XKR8: variants seen among roughly 807,000 people sequenced by gnomAD.
XKR8 encodes XK-related protein 8.
XKR8 carries 10 observed loss-of-function variants against 17.1 expected under a neutral mutation model. The ratio of observed to expected loss-of-function variants is 0.59; its 90% CI spans 0.36 to 0.99. The LOEUF is 0.99. Among genes scored for constraint, XKR8 ranks in the 50% least tolerant of loss-of-function variants. XKR8 has a pLI of 0.01. For synonymous variants in XKR8, 213 were observed against 251.9 expected, an observed-to-expected ratio of 0.85 and a Z score of 1.46; for missense variants, 411 against 515.6, an observed-to-expected ratio of 0.80 and a Z score of 1.96.
Position 27,960,453 on chromosome 1 carries a change from G to A in XKR8, c.293+91G>A. 1.6e-6 allele frequency: 2 copies of A among 1,271,842 alleles called. No homozygotes were observed. The highest frequency in any genetic ancestry group is 2.0e-6 in the Non-Finnish European group (2 of 994,226). 78.8% of individuals were successfully genotyped at this position (1,271,842 alleles called of 1,614,324 possible). Reference sequence around the variant, plus strand: ...GTACAGGTGACACGCCATATGCCGGGAAGGGGACTGGGAGAGGGAACCAAG... The same window carrying A: ...GTACAGGTGACACGCCATATGCCGGAAAGGGGACTGGGAGAGGGAACCAAG... On this transcript the variant is annotated intron_variant, in intron 1 of 2. Transcript: ENST00000373884. The surrounding 1 kb of genome is among the most constrained non-coding windows in gnomAD (Gnocchi z 5.9).
At position 27,965,270 on chromosome 1, in the gene XKR8, G is replaced by A. The variant is rs529179193; in HGVS notation, c.491-1233G>A. Among the ~76,000 whole-genome samples, 1 of 152,284 alleles carries A rather than the reference G, an allele frequency of 6.6e-6. No homozygotes were observed. The highest frequency in any genetic ancestry group is 1.5e-5 in the Non-Finnish European group (1 of 68,024). ...AGTGCAGACAGTCTGCACTGTGAGT[G>A]TGGCAGGGGGTAAGGGGGCGAGACA... On this transcript the variant is annotated intron_variant, in intron 2 of 2. Coordinates refer to ENST00000373884, the MANE Select transcript of XKR8 (RefSeq NM_018053.4). The surrounding 1 kb of genome is among the most constrained non-coding windows in gnomAD (Gnocchi z 4.1).
Position 27,959,987 on chromosome 1 carries a change from C to A in XKR8, c.-83C>A, listed in dbSNP as rs1638428093. On this transcript the variant is annotated 5_prime_UTR_variant, in exon 1 of 3. Coordinates refer to ENST00000373884, the MANE Select transcript of XKR8 (RefSeq NM_018053.4). Reference sequence around the variant, plus strand: ...CGGGCCGCCCCGAGGGCTGCGCCCACCTCCTTCCTGCCTCGGCAACCCCGG... The same window carrying A: ...CGGGCCGCCCCGAGGGCTGCGCCCAACTCCTTCCTGCCTCGGCAACCCCGG... 2.3e-6 allele frequency: 3 copies of A among 1,283,138 alleles called. No individual in the cohort carries two copies. The highest frequency in any genetic ancestry group is 1.9e-5 in the South Asian group (1 of 52,362). 79.5% of individuals were successfully genotyped at this position (1,283,138 alleles called of 1,614,324 possible). A position where few individuals can be genotyped will look rare whatever the true frequency, so the allele number is the denominator to read the frequency against.
At chr1:27,963,026 G>T (rs1204986429) in intron 1 of XKR8, among the ~76,000 whole-genome samples, 2 of 151,934 alleles carry the variant, frequency 1.3e-5, no homozygotes, top group Admixed American at 1.3e-4. Context: ...CCCCATTTTT[G>T]CTTTTTTGTT....
chr1:27,962,142 G>C (rs984693145), intron 1 of XKR8, among the ~76,000 whole-genome samples: 4 of 152,246 alleles, frequency 2.6e-5, no homozygotes, highest in African/African-American at 9.6e-5. Flanking sequence ...AGGACCCCAG[G>C]AGATCTTGGG....
intron 1 of XKR8, among the ~76,000 whole-genome samples, chr1:27,962,716 T>G (rs996825558): frequency 9.2e-5 from 14 of 151,962 alleles, no homozygotes; most frequent in Non-Finnish European, 1.5e-4. Context: ...GTCAGCCTCC[T>G]GAGTAGCTTG....
intron 2 of XKR8, chr1:27,964,191 G>T (rs1302479345): frequency 7.7e-6 from 1 of 129,934 alleles, no homozygotes; most frequent in Non-Finnish European, 1.6e-5. Context: ...GTAGAGACGA[G>T]GTCCCACTTT....
rs1251868343 is a variant in XKR8 at position 27,966,030 on chromosome 1, C to A, written c.491-473C>A. Among the ~76,000 whole-genome samples the A allele has an allele frequency of 6.6e-6, 1 of 152,128 alleles. No individual in the cohort carries two copies. The highest frequency in any genetic ancestry group is 1.5e-5 in the Non-Finnish European group (1 of 68,012). ...GGGACATCTCTCCTGGCCCTGAGGGCAGCTTTAGCCAGAGCCTGTTGCCAC... is the reference window on the plus strand; with the variant it reads ...GGGACATCTCTCCTGGCCCTGAGGGAAGCTTTAGCCAGAGCCTGTTGCCAC... On this transcript the variant is annotated intron_variant, in intron 2 of 2. Coordinates refer to ENST00000373884, the MANE Select transcript of XKR8 (RefSeq NM_018053.4). This position sits in a 1 kb window ranked among gnomAD's most constrained non-coding sequence, Gnocchi z 4.3.
chr1:27,961,909 CAT>C (rs1355185519), intron 1 of XKR8, among the ~76,000 whole-genome samples: 2 of 152,238 alleles, frequency 1.3e-5, no homozygotes, highest in Admixed American at 1.3e-4. Flanking sequence ...ACTTACTCTT[CAT>C]GCCAGTGGGT....
Position 27,967,153 on chromosome 1 carries a change from T to C in XKR8, c.1141T>C (p.Phe381Leu). The C allele has an allele frequency of 6.3e-7, 1 of 1,587,238 alleles. No individual in the cohort carries two copies. The highest frequency in any genetic ancestry group is 1.1e-5 in the South Asian group (1 of 87,564). The change falls in exon 3 of 3, where the codon TTT becomes CTT. Residue 381 changes from phenylalanine (F) to leucine (L), a missense_variant. Transcript: ENST00000373884. This position sits in a 1 kb window ranked among gnomAD's most constrained non-coding sequence, Gnocchi z 4.3. ...NRRMTHLAQK[F>L]FPKAKDEAAS... ...GCGCATGACCCATTTAGCACAGAAG[T>C]TTTTCCCCAAGGCTAAGGATGAGGC...
rs1638596406 is a variant in XKR8 at position 27,967,258 on chromosome 1, C to T, written c.*58C>T. 1 of 1,500,482 alleles carries T rather than the reference C, an allele frequency of 6.7e-7. No individual in the cohort carries two copies. The highest frequency in any genetic ancestry group is 1.4e-5 in the South Asian group (1 of 73,810). 92.9% of individuals were successfully genotyped at this position (1,500,482 alleles called of 1,614,324 possible). ...CAGCCAGCAGAGATGGAGAGTGACTCTGTTGGCAGAAGGCAGGCGAGGATA... is the reference window on the plus strand; with the variant it reads ...CAGCCAGCAGAGATGGAGAGTGACTTTGTTGGCAGAAGGCAGGCGAGGATA... On this transcript the variant is annotated 3_prime_UTR_variant, in exon 3 of 3. Transcript: ENST00000373884. The surrounding 1 kb of genome is among the most constrained non-coding windows in gnomAD (Gnocchi z 4.3).
intron 1 of XKR8, among the ~76,000 whole-genome samples, chr1:27,962,777 A>G (rs2148685793): frequency 6.6e-6 from 1 of 151,718 alleles, no homozygotes; most frequent in East Asian, 1.9e-4. Flanking sequence ...AATTCTTTGT[A>G]GAGATGGGGC....
At chr1:27,964,004 CAG>C (rs774201565) in intron 2 of XKR8, among the ~76,000 whole-genome samples, 2 of 152,088 alleles carry the variant, frequency 1.3e-5, no homozygotes, top group Non-Finnish European at 2.9e-5. Flanking sequence ...GTTCCTGGTA[CAG>C]AGTCTCACTC....
chr1:27,962,541 C>G (rs1028401830), intron 1 of XKR8, among the ~76,000 whole-genome samples: 33 of 151,338 alleles, frequency 2.2e-4, no homozygotes, highest in African/African-American at 8.0e-4. Flanking sequence ...CCACTGCACT[C>G]TAGCCTGGGC....
At chr1:27,962,244 T>C (rs971768542) in intron 1 of XKR8, among the ~76,000 whole-genome samples, 2 of 152,226 alleles carry the variant, frequency 1.3e-5, no homozygotes, top group African/African-American at 4.8e-5. Flanking sequence ...CCAGTACTTA[T>C]TAGCTGCTTA....
rs567418863 is a variant in XKR8 at position 27,966,016 on chromosome 1, C to T, written c.491-487C>T. ...CTGTCCACACAGCAGGGACATCTCT[C>T]CTGGCCCTGAGGGCAGCTTTAGCCA... On this transcript the variant is annotated intron_variant, in intron 2 of 2. Coordinates refer to ENST00000373884, the MANE Select transcript of XKR8 (RefSeq NM_018053.4). The surrounding 1 kb of genome is among the most constrained non-coding windows in gnomAD (Gnocchi z 4.3). Among the ~76,000 whole-genome samples the T allele has an allele frequency of 1.8e-4, 27 of 152,248 alleles. No homozygotes were observed. The South Asian group carries it at 4.8e-3, about 27-fold the overall frequency.
chr1:27,964,513 T>C (rs751449802), intron 2 of XKR8, among the ~76,000 whole-genome samples: 35 of 152,104 alleles, frequency 2.3e-4, no homozygotes, highest in Non-Finnish European at 4.0e-4. Flanking sequence ...AAACAATATA[T>C]TGAATGCCTT....
In XKR8 at chr1:27,967,048, T is replaced by C. The variant is rs746495728; in HGVS notation, c.1036T>C (p.Cys346Arg). 6.2e-7 allele frequency: 1 copy of C among 1,614,100 alleles called. No homozygotes were observed. Among genetic ancestry groups the C allele is most frequent in the South Asian group, 1.1e-5 (1 of 91,078 alleles). The change falls in exon 3 of 3, where the codon TGC (cysteine) becomes CGC (arginine). Residue 346 changes from cysteine (C) to arginine (R), a missense_variant. Coordinates refer to ENST00000373884, the MANE Select transcript of XKR8 (RefSeq NM_018053.4). This position sits in a 1 kb window ranked among gnomAD's most constrained non-coding sequence, Gnocchi z 4.3. ...CTACCACTGGCTGCACCCTAGCTGC[T>C]GCTGGAAGCCCGACCCTGACCAGGT... ...VYYHWLHPSCCWKPDPDQVDG... is the reference protein window; with the variant it reads ...VYYHWLHPSCRWKPDPDQVDG...
Position 27,965,376 on chromosome 1 carries a change from G to T in XKR8, c.491-1127G>T, listed in dbSNP as rs1030366950. 5.3e-5 allele frequency among the ~76,000 whole-genome samples: 8 copies of T among 152,172 alleles called. No homozygotes were observed. The highest frequency in any genetic ancestry group is 1.9e-4 in the African/African-American group (8 of 41,434). ...GTACTGGGCTGCTGGGGGATCCCAA[G>T]TGAGCAGAGTCTGTTTTCTACCCTC... On this transcript the variant is annotated intron_variant, in intron 2 of 2. Transcript: ENST00000373884. The surrounding 1 kb of genome is among the most constrained non-coding windows in gnomAD (Gnocchi z 4.1).
Position 27,960,186 on chromosome 1 carries a change from C to T in XKR8, c.117C>T (p.Leu39=), listed in dbSNP as rs1380494217. ...TDLWAAVQYA[L]GGRYLWAALV... ...TGTGGGCCGCCGTCCAGTATGCGCT[C>T]GGCGGCCGCTACCTGTGGGCGGCGC... Residue 39 remains leucine, a synonymous_variant, in exon 1 of 3, where the codon CTC becomes CTT. Coordinates refer to ENST00000373884, the MANE Select transcript of XKR8 (RefSeq NM_018053.4). This position sits in a 1 kb window ranked among gnomAD's most constrained non-coding sequence, Gnocchi z 5.9. 9 of 1,527,084 alleles carry T rather than the reference C, an allele frequency of 5.9e-6. No individual in the cohort carries two copies. The highest frequency in any genetic ancestry group is 2.0e-4 in the Middle Eastern group (1 of 5,068). 94.6% of individuals were successfully genotyped at this position (1,527,084 alleles called of 1,614,324 possible). A position where few individuals can be genotyped will look rare whatever the true frequency, so the allele number is the denominator to read the frequency against.
Sources: allele counts gnomAD v4.1 joint callset (sites outside exome capture counted in the v4.1 genomes callset), GRCh38; gene constraint gnomAD v4.1.1; non-coding constraint Gnocchi (gnomAD v3.1); transcripts MANE v1.5; gene names NCBI Gene and HGNC (gene_info 2026-07-23, HGNC 2026-07-21).